The following VIT variants were observed in gnomAD, a reference collection of about 807,000 sequenced individuals.
VIT encodes the protein vitrin.
In VIT, 99 loss-of-function variants were observed where a neutral mutation model predicts 78.0. The ratio of observed to expected loss-of-function variants is 1.27; its 90% CI spans 1.08 to 1.50. The LOEUF is 1.50. VIT is among the 40% of genes most tolerant of loss of function. The probability of loss-of-function intolerance (pLI) is 0.00; values close to 1 mark genes in which losing one functional copy is unlikely to be tolerated. For missense variants in VIT, 1,126 were observed against 875.3 expected, an observed-to-expected ratio of 1.29 and a Z score of -3.61; for synonymous variants, 374 against 334.3, an observed-to-expected ratio of 1.12 and a Z score of -1.29.
At chr2:36,748,231 C>G (rs1179441042) in intron 4 of VIT, among the ~76,000 whole-genome samples, 1 of 152,154 alleles carries the variant, frequency 6.6e-6, no homozygotes, top group African/African-American at 2.4e-5. Flanking sequence ...ATCTCACTCA[C>G]AGAGATTTGC....
intron 1 of VIT, among the ~76,000 whole-genome samples, chr2:36,712,029 G>C (rs545707859): frequency 6.6e-6 from 1 of 152,184 alleles, no homozygotes; most frequent in African/African-American, 2.4e-5. Context: ...TGAGGAATTA[G>C]GGCTCCAGCG....
At chr2:36,755,892 T>C (rs993690942) in intron 5 of VIT, among the ~76,000 whole-genome samples, 3 of 151,940 alleles carry the variant, frequency 2.0e-5, no homozygotes, top group African/African-American at 7.2e-5. Flanking sequence ...TTTTCTGAGA[T>C]TGCCCAGTGG....
At chr2:36,801,450 T>C (rs1192633244) in intron 13 of VIT, 46 bp downstream of exon 13, 4 of 1,464,768 alleles carry the variant, frequency 2.7e-6, no homozygotes, top group Non-Finnish European at 3.8e-6. Flanking sequence ...ACCATCGTTC[T>C]CTTTCTACGT....
intron 12 of VIT, among the ~76,000 whole-genome samples, chr2:36,798,779 A>T (rs7576361): frequency 6.6e-6 from 1 of 152,008 alleles, no homozygotes; most frequent in Non-Finnish European, 1.5e-5. Context: ...AATAGATAAA[A>T]TTTTTAAAAA....
rs768166408 is a variant in VIT at position 36,801,351 on chromosome 2, A to ATCT, written c.1110_1112dup (p.Leu371dup). ...CTCAAGACACACACGAATTCTCGAG[A>ATCT]TCTGAAGACAGCCATAGAGAAAATT... On this transcript the variant is annotated inframe_insertion, in exon 13 of 16. Transcript: ENST00000379242. 6.8e-6 allele frequency: 11 copies of ATCT among 1,614,028 alleles called. No individual in the cohort carries two copies. Among genetic ancestry groups the ATCT allele is most frequent in the Non-Finnish European group, 9.3e-6 (11 of 1,180,044 alleles).
chr2:36,773,973 G>A, intron 8 of VIT, 126 bp downstream of exon 8: 1 of 931,806 alleles, frequency 1.1e-6, no homozygotes, highest in Non-Finnish European at 1.5e-6. Flanking sequence ...TAGGCCAACA[G>A]AAGATGCCAC....
chr2:36,785,216 C>T (rs1006842110), intron 11 of VIT, among the ~76,000 whole-genome samples: 29 of 152,170 alleles, frequency 1.9e-4, no homozygotes, highest in African/African-American at 6.8e-4. Context: ...GAAACTCCAC[C>T]TCAGGATTAC....
chr2:36,771,326 G>A (rs569947745), intron 7 of VIT, among the ~76,000 whole-genome samples: 5 of 152,016 alleles, frequency 3.3e-5, no homozygotes, highest in Admixed American at 6.6e-5. Flanking sequence ...TCAGAAGTTC[G>A]ACCAGTCTGG....
At chr2:36,739,364 G>A (rs1013266836) in intron 3 of VIT, among the ~76,000 whole-genome samples, 5 of 152,118 alleles carry the variant, frequency 3.3e-5, no homozygotes, top group African/African-American at 1.2e-4. Flanking sequence ...TGCTGTATGT[G>A]ACATCATCTA....
At chr2:36,770,766 G>A (rs568537922) in intron 7 of VIT, among the ~76,000 whole-genome samples, 1 of 152,362 alleles carries the variant, frequency 6.6e-6, no homozygotes, top group Non-Finnish European at 1.5e-5. Flanking sequence ...AGGAGGTGGA[G>A]TGGCTGTGTC....
At chr2:36,723,914 G>A (rs1171275825) in intron 2 of VIT, among the ~76,000 whole-genome samples, 4 of 139,162 alleles carry the variant, frequency 2.9e-5, no homozygotes, top group African/African-American at 1.0e-4. Context: ...TCATACCACT[G>A]CATTCTAGCC....
Position 36,767,194 on chromosome 2 carries a change from C to T in VIT, c.588C>T (p.Thr196=). ...TGGCTGTCACTGTAGCTGTGGCCAC[C>T]CCCACCACCTTGCCAAGGCCATCCC... is the stretch of plus-strand genomic sequence containing the variant. ...QLLAVTVAVA[T]PTTLPRPSPS... is the part of the protein sequence containing the mutation. The change falls in exon 7 of 16, where the codon ACC becomes ACT. Residue 196 remains threonine, a synonymous_variant. Coordinates refer to ENST00000379242, the MANE Select transcript of VIT (RefSeq NM_053276.4). The T allele has an allele frequency of 1.2e-6, 2 of 1,610,076 alleles. No homozygotes were observed. The highest frequency in any genetic ancestry group is 8.5e-7 in the Non-Finnish European group (1 of 1,178,456).
chr2:36,699,869 G>A (rs34675057), intron 1 of VIT, among the ~76,000 whole-genome samples: 125,139 of 151,794 alleles, frequency 0.82, 52,481 homozygotes, highest in Middle Eastern at 0.95. Context: ...GGTGTTAGGC[G>A]GAAAGCTGTT....
intron 6 of VIT, among the ~76,000 whole-genome samples, chr2:36,760,442 T>C (rs770478711): frequency 2.0e-5 from 3 of 152,200 alleles, no homozygotes; most frequent in Admixed American, 6.5e-5. Context: ...ATGGATCCAG[T>C]GGTCTAGTCC....
At position 36,773,831 on chromosome 2, in the gene VIT, G is replaced by C; in HGVS notation, c.720G>C (p.Arg240Ser). Residue 240 changes from arginine (R) to serine (S), a missense_variant, in exon 8 of 16, where the codon AGG (arginine) becomes AGC (serine). By Grantham distance (110) the Arg-to-Ser change is moderately radical. Coordinates refer to ENST00000379242, the MANE Select transcript of VIT (RefSeq NM_053276.4). ...CCACCTACACAAGCAGCCAAAACAG[G>C]CCCAGAGCTGATCCAGGTAAGACCT... ...STATYTSSQNRPRADPGIQRQ... is the reference protein window; with the variant it reads ...STATYTSSQNSPRADPGIQRQ... 2.5e-6 allele frequency: 4 copies of C among 1,602,642 alleles called. No individual in the cohort carries two copies. Among genetic ancestry groups the C allele is most frequent in the Non-Finnish European group, 3.4e-6 (4 of 1,173,240 alleles).
chr2:36,715,926 A>G (rs1666106508), intron 1 of VIT, among the ~76,000 whole-genome samples: 1 of 152,226 alleles, frequency 6.6e-6, no homozygotes, highest in Non-Finnish European at 1.5e-5. Flanking sequence ...GCACTTTCTA[A>G]CAAAACGTAG....
chr2:36,700,038 G>T (rs1248825254), intron 1 of VIT, among the ~76,000 whole-genome samples: 8 of 151,970 alleles, frequency 5.3e-5, no homozygotes, highest in Admixed American at 4.6e-4. Context: ...AATTATATGT[G>T]ACTATAATAA....
intron 9 of VIT, among the ~76,000 whole-genome samples, chr2:36,775,414 C>A (rs1205379122): frequency 6.6e-6 from 1 of 152,202 alleles, no homozygotes; most frequent in Admixed American, 6.5e-5. Context: ...TACCCAGATA[C>A]AGCACATGGT....
chr2:36,777,075 C>T (rs1057224362), intron 9 of VIT, among the ~76,000 whole-genome samples: 4 of 52,290 alleles, frequency 7.6e-5, no homozygotes, highest in Admixed American at 3.2e-4. Context: ...GGCGACAGAG[C>T]GAGACTCTGT....
Sources: gnomAD v4.1 joint callset for allele counts (sites outside exome capture counted in the v4.1 genomes callset) on GRCh38, gnomAD v4.1.1 for gene constraint, MANE v1.5 for transcripts, NCBI Gene and HGNC (gene_info 2026-07-23, HGNC 2026-07-21) for gene names.